Variants in ESR1 observed in about 807,000 individuals in gnomAD.
The protein encoded by ESR1 is estrogen receptor.
Under a neutral mutation model 52.7 loss-of-function variants are expected in ESR1, and 12 were observed. That is an observed-to-expected ratio of 0.23 (90% CI 0.15 to 0.37). ESR1 has a LOEUF of 0.37. Among genes scored for constraint, ESR1 ranks in the 10% least tolerant of loss-of-function variants. The pLI is 1.00. For missense variants in ESR1, 584 were observed against 779.7 expected, an observed-to-expected ratio of 0.75 and a Z score of 2.99; for synonymous variants, 305 against 316.8, an observed-to-expected ratio of 0.96 and a Z score of 0.39.
chr6:151,658,929 A>G (rs946727339), intron 1 of ESR1, among the ~76,000 whole-genome samples: 4 of 152,244 alleles, frequency 2.6e-5, no homozygotes, highest in African/African-American at 9.6e-5. Context: ...ATGAGCAAGA[A>G]CAGGTTTTCC....
At chr6:151,743,274 C>A (rs924842203) in intron 2 of ESR1, among the ~76,000 whole-genome samples, 20 of 152,066 alleles carry the variant, frequency 1.3e-4, no homozygotes, top group African/African-American at 4.6e-4. Context: ...TGGACTTGAT[C>A]GTGGGGGCTT....
intron 4 of ESR1, among the ~76,000 whole-genome samples, chr6:151,996,381 C>G (rs879702543): frequency 6.6e-6 from 1 of 152,038 alleles, no homozygotes; most frequent in East Asian, 1.9e-4. Context: ...TGTTAGTACC[C>G]GCTTGTGTGG....
intron 2 of ESR1, among the ~76,000 whole-genome samples, chr6:151,772,384 T>TA (rs1785595763): frequency 6.6e-6 from 1 of 152,162 alleles, no homozygotes; most frequent in South Asian, 2.1e-4. Flanking sequence ...ATAACTTCAG[T>TA]AATAACTTTT....
At chr6:151,905,819 C>T (rs573211173) in intron 3 of ESR1, among the ~76,000 whole-genome samples, 3 of 152,264 alleles carry the variant, frequency 2.0e-5, no homozygotes, top group Non-Finnish European at 4.4e-5. Flanking sequence ...AATACTATTT[C>T]AACATGTAAA....
chr6:151,686,155 T>C (rs1778664208), upstream of ESR1, among the ~76,000 whole-genome samples: 1 of 151,594 alleles, frequency 6.6e-6, no homozygotes, highest in Admixed American at 6.6e-5. Flanking sequence ...AATTTCTTGA[T>C]TTCTTCCAAA....
chr6:151,871,911 T>C (rs1490990041), intron 2 of ESR1, among the ~76,000 whole-genome samples: 2 of 152,222 alleles, frequency 1.3e-5, no homozygotes, highest in Non-Finnish European at 2.9e-5. Flanking sequence ...GTGTCAGAGT[T>C]TCCTTCCTTT....
chr6:151,755,115 C>T (rs768626181), intron 2 of ESR1, among the ~76,000 whole-genome samples: 9 of 151,098 alleles, frequency 6.0e-5, no homozygotes, highest in East Asian at 2.0e-4. Context: ...GAGGCTGAGG[C>T]GGGAGGATTG....
chr6:151,824,159 C>T (rs1297296284), intron 1 of ESR1, among the ~76,000 whole-genome samples: 1 of 152,092 alleles, frequency 6.6e-6, no homozygotes, highest in East Asian at 1.9e-4. Context: ...TTAATGATTG[C>T]CATTCTAACT....
chr6:151,899,282 C>T (rs1211907598), intron 3 of ESR1, among the ~76,000 whole-genome samples: 13 of 128,112 alleles, frequency 1.0e-4, no homozygotes, highest in East Asian at 2.6e-4. Context: ...CCGGACGGGG[C>T]GGCTGGCCGG....
intron 4 of ESR1, among the ~76,000 whole-genome samples, chr6:152,010,869 TCTC>T (rs1397208938): frequency 6.6e-6 from 1 of 150,984 alleles, no homozygotes; most frequent in Non-Finnish European, 1.5e-5. Flanking sequence ...TTCTCCTCCT[TCTC>T]CTCCTCCTTC....
intron 3 of ESR1, among the ~76,000 whole-genome samples, chr6:151,919,948 C>G (rs941954459): frequency 6.6e-6 from 1 of 152,132 alleles, no homozygotes; most frequent in African/African-American, 2.4e-5. Context: ...AACATATAAA[C>G]AGCTGCAACA....
intron 5 of ESR1, among the ~76,000 whole-genome samples, chr6:152,026,012 G>A (rs1215391705): frequency 6.6e-6 from 1 of 151,952 alleles, no homozygotes; most frequent in Non-Finnish European, 1.5e-5. Flanking sequence ...CAGGTTGGAT[G>A]GGCATTTTGT....
chr6:151,981,314 A>T (rs2039971168), intron 4 of ESR1, among the ~76,000 whole-genome samples: 1 of 152,180 alleles, frequency 6.6e-6, no homozygotes, highest in Non-Finnish European at 1.5e-5. Context: ...AAATAATAAA[A>T]CCAGAGATCT....
chr6:151,748,376 T>G (rs747743711), intron 2 of ESR1, among the ~76,000 whole-genome samples: 12 of 152,214 alleles, frequency 7.9e-5, no homozygotes, highest in Admixed American at 6.5e-4. Flanking sequence ...CTTTATCACT[T>G]AATAATATAC....
rs557608354 is a variant in ESR1, at chr6:152,050,459, C to G, written c.1236-10532C>G. Among the ~76,000 whole-genome samples, 156 of 152,236 alleles carry G rather than the reference C, an allele frequency of 1.0e-3. 1 individual carries two copies. The highest frequency in any genetic ancestry group is 4.0e-4 in the Non-Finnish European group (27 of 68,016). ...TCCTCTGGCCATATTTTAAAAATTT[C>G]TCTTATTTGTTTTAATTTTCTTCCA... On this transcript the variant is annotated intron_variant, in intron 5 of 7. Coordinates refer to ENST00000206249, the MANE Select transcript of ESR1 (RefSeq NM_000125.4).
At chr6:151,927,308 C>A (rs1379058791) in intron 3 of ESR1, among the ~76,000 whole-genome samples, 1 of 152,036 alleles carries the variant, frequency 6.6e-6, no homozygotes, top group African/African-American at 2.4e-5. Context: ...GTTTTACTTT[C>A]TTATAATATC....
rs1193879156 is a variant in ESR1, at chr6:152,122,529, C to T, written c.851-2737C>T. The stretch of plus-strand genomic sequence containing the variant: ...GGGCACAGCTGTAGTCTTCCTCTGA[C>T]ATTGGTACAAGGCAGGCAAGCCCGA... On this transcript the variant is annotated intron_variant, in intron 6 of 6. Coordinates refer to the ESR1 transcript ENST00000427531. The T allele has an allele frequency of 4.3e-6, 7 of 1,614,082 alleles. No individual in the cohort carries two copies. Among genetic ancestry groups the T allele is most frequent in the African/African-American group, 1.3e-5 (1 of 74,922 alleles).
At chr6:151,927,842 C>T (rs959509632) in intron 3 of ESR1, among the ~76,000 whole-genome samples, 8 of 151,958 alleles carry the variant, frequency 5.3e-5, no homozygotes, top group Non-Finnish European at 1.2e-4. Context: ...GTCAGCCTCC[C>T]GAGTAGCTGG....
chr6:151,871,965 A>G (rs1172513504), intron 2 of ESR1, among the ~76,000 whole-genome samples: 1 of 151,944 alleles, frequency 6.6e-6, no homozygotes, highest in Non-Finnish European at 1.5e-5. Context: ...ACCACACTTT[A>G]TTTATCCATT....
Sources: allele counts gnomAD v4.1 joint callset (sites outside exome capture counted in the v4.1 genomes callset), GRCh38; gene constraint gnomAD v4.1.1; transcripts MANE v1.5; gene names NCBI Gene and HGNC (gene_info 2026-07-23, HGNC 2026-07-21).